CD96: variants seen among roughly 807,000 people sequenced by gnomAD.
CD96 encodes the protein T-cell surface protein tactile.
Under a neutral mutation model 71.3 loss-of-function variants are expected in CD96, and 70 were observed. The ratio of observed to expected loss-of-function variants is 0.98; its 90% CI spans 0.81 to 1.20. The LOEUF is 1.20. Among genes scored for constraint, CD96 ranks in the 50% most tolerant of loss-of-function variants. The pLI, the probability that CD96 is intolerant of heterozygous loss-of-function variation, is 0.00. For synonymous variants in CD96, 248 were observed against 233.0 expected (o/e 1.06, Z -0.59); for missense variants, 742 against 677.5 (o/e 1.10, Z -1.06).
intron 5 of CD96, among the ~76,000 whole-genome samples, chr3:111,595,620 G>C (rs1458806381): frequency 1.3e-5 from 2 of 151,988 alleles, no homozygotes; most frequent in East Asian, 3.9e-4. Context: ...TTGATGACTA[G>C]ATTACCTAAC....
rs1311560227 is a variant in CD96, at chr3:111,651,524, C to T, written c.*1718C>T. ...GCTTCTTCTTTGATCTCTCTTTGAC[C>T]ATACTGACACTGGGAAAAGCCCATT... is the stretch of plus-strand genomic sequence containing the variant. On this transcript the variant is annotated 3_prime_UTR_variant, in exon 14 of 14. Transcript: ENST00000352690. The T allele has an allele frequency of 6.6e-6, 1 of 152,196 alleles. No individual in the cohort carries two copies. Among genetic ancestry groups the T allele is most frequent in the African/African-American group, 2.4e-5 (1 of 41,422 alleles). 9.4% of individuals were successfully genotyped at this position (152,196 alleles called of 1,614,324 possible).
At chr3:111,628,122 C>T (rs1236338125) in intron 10 of CD96, among the ~76,000 whole-genome samples, 2 of 152,080 alleles carry the variant, frequency 1.3e-5, no homozygotes, top group Non-Finnish European at 2.9e-5. Flanking sequence ...GCTCCCTTTC[C>T]TCCAAATAAT....
chr3:111,660,497 C>T (rs553046265), intron 14 of CD96, among the ~76,000 whole-genome samples: 1 of 152,064 alleles, frequency 6.6e-6, no homozygotes, highest in Non-Finnish European at 1.5e-5. Flanking sequence ...TTATTCTTCA[C>T]AGAATTAGAA....
chr3:111,579,355 C>A, intron 4 of CD96, 121 bp downstream of exon 4: 1 of 748,500 alleles, frequency 1.3e-6, no homozygotes. Context: ...GTGCTGGAGT[C>A]TGTTTCCCTG....
At chr3:111,627,223 C>T (rs1455105387) in intron 10 of CD96, among the ~76,000 whole-genome samples, 2 of 152,200 alleles carry the variant, frequency 1.3e-5, no homozygotes, top group African/African-American at 4.8e-5. Context: ...ATGGACAGAA[C>T]TCTGATGTCT....
intron 7 of CD96, among the ~76,000 whole-genome samples, chr3:111,601,679 A>G (rs903334477): frequency 4.6e-5 from 7 of 152,254 alleles, no homozygotes; most frequent in Admixed American, 1.3e-4. Context: ...TTTGCAAATC[A>G]TTATTACAAC....
chr3:111,558,633 A>G (rs889538642), intron 2 of CD96, among the ~76,000 whole-genome samples: 6 of 130,668 alleles, frequency 4.6e-5, no homozygotes, highest in African/African-American at 1.8e-4. Flanking sequence ...GGATTTTTGC[A>G]TCAATGTTCA....
intron 6 of CD96, among the ~76,000 whole-genome samples, chr3:111,599,457 C>T (rs1937398933): frequency 6.6e-6 from 1 of 152,110 alleles, no homozygotes; most frequent in South Asian, 2.1e-4. Context: ...CAGTGGCACA[C>T]ACTTGTAATC....
intron 10 of CD96, among the ~76,000 whole-genome samples, chr3:111,627,706 G>T (rs1938844874): frequency 6.6e-6 from 1 of 152,162 alleles, no homozygotes; most frequent in Admixed American, 6.5e-5. Context: ...GACTGGGTGA[G>T]ATCTTCCAAC....
intron 8 of CD96, among the ~76,000 whole-genome samples, chr3:111,609,450 A>G (rs1177245951): frequency 2.0e-5 from 3 of 149,864 alleles, no homozygotes; most frequent in Admixed American, 1.3e-4. Flanking sequence ...AACAAAACTG[A>G]AAAAAAAAAT....
chr3:111,631,816 T>C (rs1939077396), intron 10 of CD96, among the ~76,000 whole-genome samples: 1 of 151,916 alleles, frequency 6.6e-6, no homozygotes, highest in Admixed American at 6.5e-5. Flanking sequence ...AACCCAGAAA[T>C]AAGACTACAC....
chr3:111,607,415 G>C (rs1937672566), intron 8 of CD96, among the ~76,000 whole-genome samples: 1 of 152,142 alleles, frequency 6.6e-6, no homozygotes, highest in Non-Finnish European at 1.5e-5. Context: ...AGGTCAGTCT[G>C]GGTCAGCAAT....
In CD96 at chr3:111,644,254, A is replaced by G. The variant is rs1342977203; in HGVS notation, c.1478-3289A>G. Among the ~76,000 whole-genome samples, 3 of 152,210 alleles carry G rather than the reference A, an allele frequency of 2.0e-5. No individual in the cohort carries two copies. In the East Asian group the frequency reaches 5.8e-4, roughly 29 times the overall value. ...CTTTTCAATAAATGGTGCTGGGATA[A>G]TTGTCTAGCCACATGTAGGAGAATT... On this transcript the variant is annotated intron_variant, in intron 12 of 13. Coordinates refer to ENST00000352690, the MANE Select transcript of CD96 (RefSeq NM_005816.5).
intron 2 of CD96, among the ~76,000 whole-genome samples, chr3:111,562,082 G>A (rs897632367): frequency 9.2e-5 from 14 of 152,324 alleles, no homozygotes; most frequent in South Asian, 2.1e-4. Context: ...CACGGTGCGC[G>A]CACCCACTGG....
intron 4 of CD96, among the ~76,000 whole-genome samples, chr3:111,580,454 G>C (rs1379149090): frequency 1.3e-5 from 1 of 74,902 alleles, no homozygotes; most frequent in African/African-American, 4.5e-5. Context: ...CAGTGAGGTG[G>C]ATAGACAATT....
intron 2 of CD96, among the ~76,000 whole-genome samples, chr3:111,548,026 C>T (rs934251796): frequency 1.3e-5 from 2 of 152,172 alleles, no homozygotes; most frequent in African/African-American, 4.8e-5. Context: ...TCTTCTCTTG[C>T]TTCTTCTCCT....
chr3:111,567,740 A>T (rs1247095025), intron 3 of CD96, 93 bp downstream of exon 3: 5 of 1,156,196 alleles, frequency 4.3e-6, no homozygotes, highest in Non-Finnish European at 6.5e-6. Flanking sequence ...AAGGAAGCAT[A>T]CAAATAACAG....
chr3:111,554,596 C>T (rs1442760263), intron 2 of CD96, among the ~76,000 whole-genome samples: 1 of 151,830 alleles, frequency 6.6e-6, no homozygotes, highest in African/African-American at 2.4e-5. Flanking sequence ...CTATAAAGTA[C>T]ACGTATATAA....
At chr3:111,633,394 G>A (rs1394904821) in intron 10 of CD96, among the ~76,000 whole-genome samples, 2 of 152,108 alleles carry the variant, frequency 1.3e-5, no homozygotes. Context: ...TTGGAATATT[G>A]CAAGAATTAC....
Sources: allele counts gnomAD v4.1 joint callset (sites outside exome capture counted in the v4.1 genomes callset), GRCh38; gene constraint gnomAD v4.1.1; transcripts MANE v1.5; gene names NCBI Gene and HGNC (gene_info 2026-07-23, HGNC 2026-07-21).